Variants in NFATC1 observed in about 807,000 individuals in gnomAD.
NFATC1 encodes the protein nuclear factor of activated T cells 1, also known as nuclear factor of activated T-cells, cytoplasmic 1.
In NFATC1, 22 loss-of-function variants were observed where a neutral mutation model predicts 76.0. That is an observed-to-expected ratio of 0.29 (90% confidence interval 0.21 to 0.41). The LOEUF is 0.41. NFATC1 is among the 10% of genes least tolerant of loss of function. The probability of loss-of-function intolerance (pLI) is 1.00; values close to 1 mark genes in which losing one functional copy is unlikely to be tolerated. For synonymous variants in NFATC1, 704 were observed against 613.1 expected (o/e 1.15, Z -2.19); for missense variants, 1,357 against 1,337.7 (o/e 1.01, Z -0.23).
At chr18:79,399,474 G>A (rs1244684218) in intron 1 of NFATC1, among the ~76,000 whole-genome samples, 2 of 152,220 alleles carry the variant, frequency 1.3e-5, no homozygotes, top group Non-Finnish European at 2.9e-5. Flanking sequence ...TATTCCACAT[G>A]TCGGGTGTAT....
At chr18:79,422,195 G>T (rs1006464993) in intron 2 of NFATC1, 2 of 152,204 alleles carry the variant, frequency 1.3e-5, no homozygotes, top group Non-Finnish European at 2.9e-5. Context: ...GGCACCACTA[G>T]AAACGGAATC....
intron 3 of NFATC1, among the ~76,000 whole-genome samples, chr18:79,436,973 G>A (rs1057286240): frequency 3.9e-5 from 6 of 152,172 alleles, no homozygotes; most frequent in Non-Finnish European, 8.8e-5. Flanking sequence ...TCCGCACCCT[G>A]AGGCCACCCC....
rs1310720075 is a variant in NFATC1, at chr18:79,425,053, GTTTCTC to G, written c.1227-8524_1227-8519del. On this transcript the variant is annotated intron_variant, in intron 2 of 9. Coordinates refer to ENST00000427363, the MANE Select transcript of NFATC1 (RefSeq NM_001278669.2). ...TCTCTCCATCTCTCTCTCCGTCTCT[GTTTCTC>G]TCTCTGTTTCTCTCTCTGTCTCTCC... Among the ~76,000 whole-genome samples the G allele has an allele frequency of 3.7e-3, 250 of 67,958 alleles. 4 individuals are homozygous for G. Among genetic ancestry groups the G allele is most frequent in the Admixed American group, 0.014 (120 of 8,584 alleles). The allele number at this position is 67,958 out of a possible 152,430, so 44.6% of individuals were successfully genotyped here. A position where few individuals can be genotyped will look rare whatever the true frequency, so the allele number is the denominator to read the frequency against.
chr18:79,504,545 G>A (rs1171167036), intron 9 of NFATC1, among the ~76,000 whole-genome samples: 1 of 152,250 alleles, frequency 6.6e-6, no homozygotes, highest in Non-Finnish European at 1.5e-5. Flanking sequence ...CTCCGCAGCA[G>A]ATATGATAGC....
intron 9 of NFATC1, among the ~76,000 whole-genome samples, chr18:79,510,574 T>C (rs1177497737): frequency 6.6e-6 from 1 of 152,182 alleles, no homozygotes; most frequent in Non-Finnish European, 1.5e-5. Context: ...CTGTCTCTCT[T>C]TTATTTCAGC....
At chr18:79,412,345 C>T (rs1488732811) in intron 2 of NFATC1, among the ~76,000 whole-genome samples, 3 of 152,076 alleles carry the variant, frequency 2.0e-5, no homozygotes, top group East Asian at 3.9e-4. Flanking sequence ...CCCCATGGCC[C>T]GTGACGTCAG....
intron 9 of NFATC1, among the ~76,000 whole-genome samples, chr18:79,500,614 A>G (rs981446633): frequency 2.0e-5 from 3 of 152,180 alleles, no homozygotes; most frequent in Admixed American, 6.5e-5. Flanking sequence ...AAACAACAAA[A>G]TTGACAAAAC....
At chr18:79,450,121 G>A (rs1209744498) in intron 4 of NFATC1, among the ~76,000 whole-genome samples, 3 of 152,164 alleles carry the variant, frequency 2.0e-5, no homozygotes, top group South Asian at 2.1e-4. Context: ...AAGGGTGGCC[G>A]GGAGACGCCC....
intron 2 of NFATC1, among the ~76,000 whole-genome samples, chr18:79,431,172 T>C (rs1177772071): frequency 1.3e-5 from 2 of 152,258 alleles, no homozygotes; most frequent in Non-Finnish European, 2.9e-5. Flanking sequence ...AGGTGCATCT[T>C]TGGATAAATC....
intron 9 of NFATC1, among the ~76,000 whole-genome samples, chr18:79,518,688 G>A (rs1328605099): frequency 6.6e-6 from 1 of 152,278 alleles, no homozygotes; most frequent in Non-Finnish European, 1.5e-5. Flanking sequence ...TCACCGCAGT[G>A]TGAGGATGGG....
At chr18:79,523,815 A>G (rs1308901023) in intron 9 of NFATC1, 1 of 152,218 alleles carries the variant, frequency 6.6e-6, no homozygotes, top group Non-Finnish European at 1.5e-5. Flanking sequence ...TAAGGGAAAA[A>G]AAAGCCCTCC....
At chr18:79,433,273 T>G (rs1468955514) in intron 2 of NFATC1, among the ~76,000 whole-genome samples, 1 of 152,206 alleles carries the variant, frequency 6.6e-6, no homozygotes, top group Non-Finnish European at 1.5e-5. Flanking sequence ...TAAAACAGAT[T>G]TTCAATGAGT....
At chr18:79,425,258 C>CCTGTCTCTGTCTCTCTGTTTCT (rs1568945022) in intron 2 of NFATC1, among the ~76,000 whole-genome samples, 4 of 55,326 alleles carry the variant, frequency 7.2e-5, no homozygotes, top group East Asian at 4.7e-4. Context: ...TGTTTCTCTC[C>CCTGTCTCTGTCTCTCTGTTTCT]CTGTCTCTGT....
intron 9 of NFATC1, among the ~76,000 whole-genome samples, chr18:79,503,278 C>T (rs1477693277): frequency 6.6e-6 from 1 of 152,188 alleles, no homozygotes; most frequent in East Asian, 1.9e-4. Flanking sequence ...CCTCAGACCA[C>T]TGGGATACAG....
chr18:79,440,194 G>C lies in NFATC1; in HGVS notation c.1386+6456G>C, dbSNP rs537855902. On this transcript the variant is annotated intron_variant, in intron 3 of 9. Transcript: ENST00000427363. ...CCAAAATCTTCTATTAGTAATTTCA[G>C]AGCTTTGGCTTCTTGGTGCTTTGGG... Among the ~76,000 whole-genome samples, 5 of 152,322 alleles carry C rather than the reference G, an allele frequency of 3.3e-5. No homozygotes were observed. The South Asian group carries it at 1.0e-3, about 32-fold the overall frequency.
In NFATC1 at chr18:79,445,567, C is replaced by T. The variant is rs144114505; in HGVS notation, c.1387-3215C>T. 1.2e-4 allele frequency among the ~76,000 whole-genome samples: 18 copies of T among 152,330 alleles called. No homozygotes were observed. The East Asian group carries it at 3.5e-3, about 29-fold the overall frequency. On this transcript the variant is annotated intron_variant, in intron 3 of 9. Transcript: ENST00000427363. ...CCTAGACGCTGTTCACACAGCGTGG[C>T]AATCTCTCAAATTAATCCAGCATGG...
At chr18:79,513,304 C>T (rs182670783) in intron 9 of NFATC1, among the ~76,000 whole-genome samples, 1 of 152,294 alleles carries the variant, frequency 6.6e-6, no homozygotes, top group Admixed American at 6.5e-5. Context: ...GCAGAGGGCA[C>T]CTTGGCCTCC....
intron 9 of NFATC1, among the ~76,000 whole-genome samples, chr18:79,491,986 C>A (rs541135682): frequency 2.2e-4 from 34 of 152,354 alleles, no homozygotes; most frequent in Middle Eastern, 3.4e-3. Flanking sequence ...GGGCTCCTCA[C>A]GCCCAGTGAT....
rs1241211368 is a variant in NFATC1, at chr18:79,524,289, C to A, written c.2783-3239C>A. On this transcript the variant is annotated intron_variant, in intron 9 of 9. Coordinates refer to ENST00000427363, the MANE Select transcript of NFATC1 (RefSeq NM_001278669.2). This position sits in a 1 kb window ranked among gnomAD's most constrained non-coding sequence, Gnocchi z 7.2. Reference sequence around the variant, plus strand: ...GGAAGCCGTGGCTTTCCTCTCAGGGCTACGGCACAGGCCGTGTCTGCGGGG... The same window carrying A: ...GGAAGCCGTGGCTTTCCTCTCAGGGATACGGCACAGGCCGTGTCTGCGGGG... Among the ~76,000 whole-genome samples, 1 of 152,270 alleles carries A rather than the reference C, an allele frequency of 6.6e-6. No homozygotes were observed. The highest frequency in any genetic ancestry group is 2.4e-5 in the African/African-American group (1 of 41,470).
Sources: allele counts gnomAD v4.1 joint callset (sites outside exome capture counted in the v4.1 genomes callset), GRCh38; gene constraint gnomAD v4.1.1; non-coding constraint Gnocchi (gnomAD v3.1); transcripts MANE v1.5; gene names NCBI Gene and HGNC (gene_info 2026-07-23, HGNC 2026-07-21).